Variants in VPS13B observed in about 807,000 individuals in gnomAD.
VPS13B encodes vacuolar protein sorting 13 homolog B, also known as intermembrane lipid transfer protein VPS13B.
A neutral mutation model predicts 426.4 loss-of-function variants in VPS13B; 285 were observed. The observed-to-expected ratio is 0.67, with a 90% CI of 0.61 to 0.74. The LOEUF (loss-of-function observed/expected upper bound fraction) is 0.74. Ranked by LOEUF, VPS13B falls within the 30% of genes least tolerant of loss-of-function variation. The pLI, the probability that VPS13B is intolerant of heterozygous loss-of-function variation, is 0.00. For missense variants in VPS13B, 4,537 were observed against 4,782.6 expected (o/e 0.95, Z 1.51); for synonymous variants, 1,676 against 1,676.4 (o/e 1.00, Z 0.01).
chr8:99,420,226 G>A (rs889438853), intron 21 of VPS13B, among the ~76,000 whole-genome samples: 4 of 152,138 alleles, frequency 2.6e-5, no homozygotes, highest in Admixed American at 6.5e-5. Context: ...ATGAAGTAAC[G>A]TGGTTACTGT....
chr8:99,827,392 A>G (rs948554639), intron 51 of VPS13B, among the ~76,000 whole-genome samples: 5 of 151,506 alleles, frequency 3.3e-5, no homozygotes, highest in Non-Finnish European at 1.5e-5. Context: ...GGTAGTTTGT[A>G]TTTCTGTGGG....
At chr8:99,868,706 CTG>C (rs755423129) in intron 59 of VPS13B, among the ~76,000 whole-genome samples, 12 of 152,190 alleles carry the variant, frequency 7.9e-5, no homozygotes, top group Non-Finnish European at 1.8e-4. Flanking sequence ...ACTTGATAGA[CTG>C]TAACGAAAAG....
At chr8:99,625,664 G>A (rs1477565722) in intron 33 of VPS13B, among the ~76,000 whole-genome samples, 1 of 151,886 alleles carries the variant, frequency 6.6e-6, no homozygotes. Context: ...GACCAGCCTG[G>A]ACAACATAAT....
chr8:99,875,696 T>TGTGA lies in VPS13B; in HGVS notation c.*31_*34dup. 2 of 1,610,002 alleles carry TGTGA rather than the reference T, an allele frequency of 1.2e-6. No individual in the cohort carries two copies. The highest frequency in any genetic ancestry group is 1.7e-4 in the Middle Eastern group (1 of 6,050). The stretch of plus-strand genomic sequence containing the variant: ...CCTCTGAGGTGTTTATTCCTGCTTG[T>TGTGA]GTGATTTAGTTTTTGGGTTTCTTTG... On this transcript the variant is annotated 3_prime_UTR_variant, in exon 62 of 62. Transcript: ENST00000357162.
At chr8:99,626,389 A>G (rs1828613867) in intron 33 of VPS13B, among the ~76,000 whole-genome samples, 1 of 152,228 alleles carries the variant, frequency 6.6e-6, no homozygotes. Context: ...ACAATAAGCA[A>G]GGCCATAGAG....
intron 39 of VPS13B, among the ~76,000 whole-genome samples, chr8:99,752,058 C>T (rs759864203): frequency 6.6e-6 from 1 of 152,102 alleles, no homozygotes; most frequent in African/African-American, 2.4e-5. Context: ...CTTGAAAAAA[C>T]AGTCTGGACT....
At chr8:99,237,774 C>T (rs1816717897) in intron 17 of VPS13B, among the ~76,000 whole-genome samples, 1 of 151,530 alleles carries the variant, frequency 6.6e-6, no homozygotes, top group Non-Finnish European at 1.5e-5. Flanking sequence ...CACCTGTTCC[C>T]CCAAAATTAT....
chr8:99,787,845 A>C (rs1812343146), intron 43 of VPS13B, among the ~76,000 whole-genome samples: 1 of 152,042 alleles, frequency 6.6e-6, no homozygotes, highest in Admixed American at 6.6e-5. Flanking sequence ...TCTTGTATGT[A>C]AGGATTTACA....
chr8:99,574,670 A>G (rs2133806358), intron 31 of VPS13B, among the ~76,000 whole-genome samples: 1 of 152,370 alleles, frequency 6.6e-6, no homozygotes, highest in Non-Finnish European at 1.5e-5. Context: ...CTGGGAATAC[A>G]TAAAGAAGAA....
chr8:99,074,507 C>CAA (rs879524448), intron 3 of VPS13B, among the ~76,000 whole-genome samples: 3 of 100,974 alleles, frequency 3.0e-5, no homozygotes, highest in South Asian at 3.2e-4. Context: ...GACTCCGTCT[C>CAA]AAAAAAAAAA....
intron 30 of VPS13B, among the ~76,000 whole-genome samples, chr8:99,546,583 A>G (rs1169395246): frequency 6.6e-6 from 1 of 152,064 alleles, no homozygotes; most frequent in African/African-American, 2.4e-5. Context: ...GTTGTGATTT[A>G]TCTACATAAT....
intron 23 of VPS13B, among the ~76,000 whole-genome samples, chr8:99,444,050 C>T (rs1411550032): frequency 6.6e-6 from 1 of 151,152 alleles, no homozygotes; most frequent in Non-Finnish European, 1.5e-5. Flanking sequence ...ACAATAACCT[C>T]TTAAACTGGA....
chr8:99,577,430 T>C, intron 32 of VPS13B, 60 bp from the exon 33 acceptor site: 1 of 1,607,912 alleles, frequency 6.2e-7, no homozygotes, highest in South Asian at 1.1e-5. Context: ...GTAAGAATGA[T>C]AAATTATCAT....
chr8:99,245,400 GC>G (rs1817161694), intron 17 of VPS13B, among the ~76,000 whole-genome samples: 1 of 152,154 alleles, frequency 6.6e-6, no homozygotes, highest in Non-Finnish European at 1.5e-5. Context: ...GCTCTTAGCT[GC>G]TTCCTAAGCA....
chr8:99,832,614 A>C lies in VPS13B; in HGVS notation c.9576A>C (p.Val3192=). The part of the protein sequence containing the change: ...RPEFPRQSVA[V]PLGNFRENGF... ...AGTTTCCCAGACAGAGTGTGGCAGT[A>C]CCCCTCGGGAATTTCCGGGAAAATG... Residue 3192 remains valine, a synonymous_variant, in exon 52 of 62, where the codon GTA becomes GTC. Transcript: ENST00000357162. 6.2e-7 allele frequency: 1 copy of C among 1,613,612 alleles called. No individual in the cohort carries two copies. Among genetic ancestry groups the C allele is most frequent in the Non-Finnish European group, 8.5e-7 (1 of 1,179,958 alleles).
At chr8:99,572,546 ATTCGGTGTTTGGTTTTTTG>A (rs1825533702) in intron 31 of VPS13B, among the ~76,000 whole-genome samples, 1 of 151,452 alleles carries the variant, frequency 6.6e-6, no homozygotes, top group South Asian at 2.1e-4. Context: ...GAGTGAGAAC[ATTCGGTGTTTGGTTTTTTG>A]TTCTTGCAAT....
intron 17 of VPS13B, among the ~76,000 whole-genome samples, chr8:99,205,409 C>T (rs774571884): frequency 5.3e-5 from 8 of 152,082 alleles, no homozygotes; most frequent in East Asian, 3.8e-4. Context: ...ATGTAGATGA[C>T]GGGTTGATGG....
Position 99,148,103 on chromosome 8 carries a change from C to A in VPS13B, c.2013+93C>A, listed in dbSNP as rs1810844837. 3 of 1,367,822 alleles carry A rather than the reference C, an allele frequency of 2.2e-6. No homozygotes were observed. In the Admixed American group the frequency reaches 5.3e-5, roughly 24 times the overall value. 84.7% of individuals were successfully genotyped at this position (1,367,822 alleles called of 1,614,324 possible). A position where few individuals can be genotyped will look rare whatever the true frequency, so the allele number is the denominator to read the frequency against. On this transcript the variant is annotated intron_variant, in intron 14 of 61. Transcript: ENST00000357162. ...TACTGAAAGAATATCTGCAGCCGGG[C>A]ACAGTGGCTTGAGTGTGTAATCCTG...
At chr8:99,541,692 T>G (rs1006339576) in intron 30 of VPS13B, among the ~76,000 whole-genome samples, 7 of 152,190 alleles carry the variant, frequency 4.6e-5, no homozygotes, top group Admixed American at 3.9e-4. Flanking sequence ...GTGGATAAGA[T>G]GGGGAAAAAG....
Sources: allele counts gnomAD v4.1 joint callset (sites outside exome capture counted in the v4.1 genomes callset), GRCh38; gene constraint gnomAD v4.1.1; transcripts MANE v1.5; gene names NCBI Gene and HGNC (gene_info 2026-07-23, HGNC 2026-07-21).